The following BROX variants were observed in gnomAD, a reference collection of about 807,000 sequenced individuals.
BROX encodes the protein BRO1 domain and CAAX motif containing, also known as BRO1 domain-containing protein BROX.
BROX carries 53 observed loss-of-function variants against 61.0 expected under a neutral mutation model. The ratio of observed to expected loss-of-function variants is 0.87; its 90% CI spans 0.70 to 1.09. The LOEUF (loss-of-function observed/expected upper bound fraction) is 1.09, where lower values mean the gene tolerates loss of function less well. Ranked by LOEUF, BROX falls within the 50% of genes least tolerant of loss-of-function variation. The pLI, the probability that BROX is intolerant of heterozygous loss-of-function variation, is 0.00. For synonymous variants in BROX, 152 were observed against 160.2 expected (o/e 0.95, Z 0.38); for missense variants, 489 against 472.0 (o/e 1.04, Z -0.33).
At chr1:222,713,543 C>G in intron 1 of BROX, 1 of 682,446 alleles carries the variant, frequency 1.5e-6, no homozygotes, top group Non-Finnish European at 1.8e-6. Flanking sequence ...CTAAAGGCAC[C>G]CTTGTCCCTG....
intron 4 of BROX, among the ~76,000 whole-genome samples, chr1:222,720,300 C>T (rs184886357): frequency 3.9e-5 from 6 of 152,146 alleles, no homozygotes; most frequent in Non-Finnish European, 8.8e-5. Context: ...TATTTTATGT[C>T]GAATTCATAA....
At position 222,731,364 on chromosome 1, in the gene BROX, C is replaced by T; in HGVS notation, c.997C>T (p.Gln333Ter). 1 of 1,560,386 alleles carries T rather than the reference C, an allele frequency of 6.4e-7. No homozygotes were observed. The highest frequency in any genetic ancestry group is 1.4e-5 in the African/African-American group (1 of 71,490). ...CQRENGFIYF[Q>*]KIPTEAPQLE... is the part of the protein sequence containing the mutation. ...TTAAATTATTTTTTGCAGTTACTTTCAAAAAATTCCAACAGAAGCCCCACA... is the reference window on the plus strand; with the variant it reads ...TTAAATTATTTTTTGCAGTTACTTTTAAAAAATTCCAACAGAAGCCCCACA... The change falls in exon 12 of 13, where the codon CAA becomes TAA. Residue 333 changes from glutamine to a stop codon, truncating the protein, a stop_gained. Coordinates refer to ENST00000340934, the MANE Select transcript of BROX (RefSeq NM_144695.4). LOFTEE classifies it high-confidence loss of function.
At chr1:222,725,195 C>T (rs764612010) in intron 6 of BROX, among the ~76,000 whole-genome samples, 1 of 152,100 alleles carries the variant, frequency 6.6e-6, no homozygotes, top group African/African-American at 2.4e-5. Context: ...GTGTGACTTG[C>T]GTATCTCAGC....
chr1:222,715,947 G>T, intron 2 of BROX, 147 bp downstream of exon 2: 1 of 556,572 alleles, frequency 1.8e-6, no homozygotes, highest in Non-Finnish European at 3.2e-6. Flanking sequence ...TTTAAATTTG[G>T]CAGTCTTCTA....
chr1:222,719,591 C>T (rs1255648295), intron 4 of BROX, among the ~76,000 whole-genome samples: 1 of 152,234 alleles, frequency 6.6e-6, no homozygotes, highest in Non-Finnish European at 1.5e-5. Context: ...ATGTTAACTA[C>T]AGTTGAACAG....
chr1:222,719,220 T>G (rs765931382), intron 3 of BROX, 43 bp from the exon 4 acceptor site: 1 of 1,442,794 alleles, frequency 6.9e-7, no homozygotes, highest in Non-Finnish European at 9.7e-7. Context: ...TCAATATTTC[T>G]TCTAATTCTT....
chr1:222,731,360 C>G lies in BROX; in HGVS notation c.993C>G (p.Tyr331Ter), dbSNP rs1558238223. Residue 331 changes from tyrosine (Y) to a stop codon, truncating the protein, a stop_gained, in exon 12 of 13, where the codon TAC becomes TAG. Coordinates refer to ENST00000340934, the MANE Select transcript of BROX (RefSeq NM_144695.4). LOFTEE classifies it high-confidence loss of function. ...EKCQRENGFI[Y>*]FQKIPTEAPQ... is the part of the protein sequence containing the mutation. Reference sequence around the variant, plus strand: ...CTATTTAAATTATTTTTTGCAGTTACTTTCAAAAAATTCCAACAGAAGCCC... The same window carrying G: ...CTATTTAAATTATTTTTTGCAGTTAGTTTCAAAAAATTCCAACAGAAGCCC... 3.2e-6 allele frequency: 5 copies of G among 1,560,296 alleles called. No homozygotes were observed. Among genetic ancestry groups the G allele is most frequent in the Non-Finnish European group, 4.3e-6 (5 of 1,163,638 alleles).
chr1:222,728,544 A>G (rs1352617891), intron 8 of BROX, among the ~76,000 whole-genome samples, 199 bp from the exon 9 acceptor site: 3 of 152,166 alleles, frequency 2.0e-5, no homozygotes, highest in Admixed American at 6.5e-5. Context: ...AAGAGCTGCC[A>G]TAGTATTTAA....
rs772729684 is a variant in BROX, at chr1:222,712,745, C to G, written c.-214C>G. Reference sequence around the variant, plus strand: ...CTGCAACGCCGCGGCAATACCCGCCCCTGAGCTGCGCGCACTACCGCCTCG... The same window carrying G: ...CTGCAACGCCGCGGCAATACCCGCCGCTGAGCTGCGCGCACTACCGCCTCG... On this transcript the variant is annotated 5_prime_UTR_variant, in exon 1 of 13. Transcript: ENST00000340934. 7.8e-7 allele frequency: 1 copy of G among 1,290,006 alleles called. No homozygotes were observed. Among genetic ancestry groups the G allele is most frequent in the South Asian group, 1.2e-5 (1 of 81,000 alleles). 79.9% of individuals were successfully genotyped at this position (1,290,006 alleles called of 1,614,324 possible).
At chr1:222,726,260 C>T (rs1269996306) in intron 7 of BROX, among the ~76,000 whole-genome samples, 1 of 152,120 alleles carries the variant, frequency 6.6e-6, no homozygotes, top group Non-Finnish European at 1.5e-5. Context: ...TTCTTTATTT[C>T]AAACTCTAGT....
intron 1 of BROX, chr1:222,713,593 C>T (rs1052280565): frequency 3.6e-5 from 11 of 308,610 alleles, no homozygotes; most frequent in Middle Eastern, 1.7e-3. Flanking sequence ...CCTAGGAACT[C>T]CCGAAAACTG....
chr1:222,725,533 A>G lies in BROX; in HGVS notation c.558A>G (p.Gln186=), dbSNP rs140846978. 12 of 1,610,760 alleles carry G rather than the reference A, an allele frequency of 7.4e-6. No individual in the cohort carries two copies. The African/African-American group carries it at 1.2e-4, about 16-fold the overall frequency. Residue 186 remains glutamine (Q), a synonymous_variant, in exon 7 of 13, where the codon CAA becomes CAG. Transcript: ENST00000340934. ...GACTCATAGAAGCATACGTTATTCA[A>G]TGTCAGGCTGAAGCTCAAGAAGGTA... is the stretch of plus-strand genomic sequence containing the variant. ...ESRLIEAYVI[Q]CQAEAQEVTI... is the part of the protein sequence containing the mutation.
intron 2 of BROX, among the ~76,000 whole-genome samples, chr1:222,716,804 G>A (rs1298879327): frequency 6.6e-6 from 1 of 152,216 alleles, no homozygotes; most frequent in Non-Finnish European, 1.5e-5. Context: ...AAAGGAGAAT[G>A]TTATTTCTGT....
At chr1:222,727,079 T>A (rs1657560583) in intron 7 of BROX, 89 bp from the exon 8 acceptor site, 1 of 912,792 alleles carries the variant, frequency 1.1e-6, no homozygotes, top group Admixed American at 2.2e-5. Flanking sequence ...CCCAGAGAGA[T>A]TATCAGACTG....
chr1:222,720,645 C>G (rs1369148909), intron 4 of BROX, among the ~76,000 whole-genome samples: 1 of 151,920 alleles, frequency 6.6e-6, no homozygotes, highest in Non-Finnish European at 1.5e-5. Flanking sequence ...AACACTGTCT[C>G]TACTAAAAAA....
At chr1:222,720,255 T>A (rs551975578) in intron 4 of BROX, among the ~76,000 whole-genome samples, 10 of 152,310 alleles carry the variant, frequency 6.6e-5, no homozygotes, top group Admixed American at 6.5e-4. Context: ...AAGACATTCA[T>A]TAAATGTTCA....
intron 2 of BROX, among the ~76,000 whole-genome samples, 154 bp from the exon 3 acceptor site, chr1:222,718,771 T>C (rs748136110): frequency 6.6e-6 from 1 of 152,188 alleles, no homozygotes; most frequent in Non-Finnish European, 1.5e-5. Context: ...GGCATGTGCA[T>C]GCGTGTGTGT....
Position 222,712,761 on chromosome 1 carries a change from T to G in BROX, c.-198T>G. The G allele has an allele frequency of 7.8e-7, 1 of 1,289,748 alleles. No homozygotes were observed. The highest frequency in any genetic ancestry group is 1.0e-6 in the Non-Finnish European group (1 of 989,112). 79.9% of individuals were successfully genotyped at this position (1,289,748 alleles called of 1,614,324 possible). A position where few individuals can be genotyped will look rare whatever the true frequency, so the allele number is the denominator to read the frequency against. ...ATACCCGCCCCTGAGCTGCGCGCAC[T>G]ACCGCCTCGGTAGCTATCATGGCCG... On this transcript the variant is annotated 5_prime_UTR_variant, in exon 1 of 13. Transcript: ENST00000340934.
chr1:222,727,258 G>C lies in BROX; in HGVS notation c.670+1G>C, dbSNP rs755548693. 4 of 1,597,668 alleles carry C rather than the reference G, an allele frequency of 2.5e-6. No homozygotes were observed. The highest frequency in any genetic ancestry group is 3.4e-6 in the Non-Finnish European group (4 of 1,165,564). On this transcript the variant is annotated splice_donor_variant, in intron 8 of 12. Coordinates refer to ENST00000340934, the MANE Select transcript of BROX (RefSeq NM_144695.4). LOFTEE classifies it high-confidence loss of function. ...ACAGCCAATTTCTATCAAAAAGCTG[G>C]TAAGCTTCTAATTCTGTCGTTACAT...
Sources: allele counts gnomAD v4.1 joint callset (sites outside exome capture counted in the v4.1 genomes callset), GRCh38; gene constraint gnomAD v4.1.1; transcripts MANE v1.5; gene names NCBI Gene and HGNC (gene_info 2026-07-23, HGNC 2026-07-21).